The following APLF variants were observed in gnomAD, a reference collection of about 807,000 sequenced individuals.
The protein encoded by APLF is aprataxin and PNK-like factor.
APLF carries 61 observed loss-of-function variants against 55.6 expected under a neutral mutation model. That is an observed-to-expected ratio of 1.10 (90% CI 0.89 to 1.36). APLF has a LOEUF of 1.36. APLF is among the 40% of genes most tolerant of loss of function. APLF has a pLI of 0.00. For missense variants in APLF, 611 were observed against 602.5 expected (o/e 1.01, Z -0.15); for synonymous variants, 207 against 214.8 (o/e 0.96, Z 0.32).
chr2:68,474,139 A>G (rs1172972465), intron 1 of APLF, among the ~76,000 whole-genome samples: 1 of 152,232 alleles, frequency 6.6e-6, no homozygotes, highest in African/African-American at 2.4e-5. Context: ...AGCTATGGGA[A>G]GGGATACTGA....
chr2:68,469,585 A>G (rs1675554905), intron 1 of APLF, among the ~76,000 whole-genome samples: 1 of 152,192 alleles, frequency 6.6e-6, no homozygotes, highest in Non-Finnish European at 1.5e-5. Flanking sequence ...GTGGTTATGA[A>G]TGACATCCTA....
intron 8 of APLF, 95 bp from the exon 9 acceptor site, chr2:68,567,246 T>C (rs1179864099): frequency 9.3e-7 from 1 of 1,076,230 alleles, no homozygotes; most frequent in Non-Finnish European, 1.4e-6. Context: ...GTCCTAAGTT[T>C]ATTTGTAAGT....
At chr2:68,544,714 G>A (rs755136634) in intron 7 of APLF, among the ~76,000 whole-genome samples, 20 of 152,206 alleles carry the variant, frequency 1.3e-4, no homozygotes, top group Non-Finnish European at 2.4e-4. Context: ...TTAGAAGTTA[G>A]GATAGTTACC....
chr2:68,580,059 A>C lies in APLF; in HGVS notation c.*2037A>C. The C allele has an allele frequency of 1.1e-6, 1 of 926,504 alleles. No homozygotes were observed. Among genetic ancestry groups the C allele is most frequent in the East Asian group, 1.2e-4 (1 of 8,538 alleles). 57.4% of individuals were successfully genotyped at this position (926,504 alleles called of 1,614,324 possible). A position where few individuals can be genotyped will look rare whatever the true frequency, so the allele number is the denominator to read the frequency against. On this transcript the variant is annotated 3_prime_UTR_variant, in exon 10 of 10. Transcript: ENST00000303795. ...ATTCTTCGTAGTAATGTAATAGTTC[A>C]TGGTAGCTGCTTTTAACGATACAGT...
intron 1 of APLF, among the ~76,000 whole-genome samples, chr2:68,479,953 AT>A (rs1284680270): frequency 1.3e-5 from 2 of 152,098 alleles, no homozygotes; most frequent in Admixed American, 6.6e-5. Flanking sequence ...TAATACATAT[AT>A]TTTCTCTTCC....
chr2:68,571,741 T>G (rs1379382829), intron 9 of APLF, among the ~76,000 whole-genome samples: 1 of 152,216 alleles, frequency 6.6e-6, no homozygotes, highest in Non-Finnish European at 1.5e-5. Flanking sequence ...CCTCCAGCTT[T>G]GTTCTTTTGG....
intron 6 of APLF, among the ~76,000 whole-genome samples, chr2:68,527,268 G>C (rs1371433508): frequency 6.6e-6 from 1 of 151,718 alleles, no homozygotes; most frequent in Non-Finnish European, 1.5e-5. Context: ...AGGCGGGGCA[G>C]AGGCACTCCT....
chr2:68,542,214 G>T lies in APLF; in HGVS notation c.1161-2973G>T, dbSNP rs552325554. Among the ~76,000 whole-genome samples, 7 of 152,194 alleles carry T rather than the reference G, an allele frequency of 4.6e-5. No homozygotes were observed. The East Asian group carries it at 1.4e-3, about 29-fold the overall frequency. On this transcript the variant is annotated intron_variant, in intron 7 of 9. Transcript: ENST00000303795. ...AACTACAAGACTCTTAGAAGAAAATGGGGGAGAAGCTTCATGACATTGGAT... is the reference window on the plus strand; with the variant it reads ...AACTACAAGACTCTTAGAAGAAAATTGGGGAGAAGCTTCATGACATTGGAT...
At chr2:68,512,130 T>G (rs1291002149) in intron 3 of APLF, among the ~76,000 whole-genome samples, 1 of 151,662 alleles carries the variant, frequency 6.6e-6, no homozygotes, top group African/African-American at 2.4e-5. Flanking sequence ...ATATAGTCAT[T>G]TAAAATACTA....
rs1331555339 is a variant in APLF, at chr2:68,578,294, CT to C, written c.*275del. ...AGTAAAAATGGATATTTTTTATGTA[CT>C]TTGTATATTGGTAATAAAAAGTAAA... On this transcript the variant is annotated 3_prime_UTR_variant, in exon 10 of 10. Coordinates refer to ENST00000303795, the MANE Select transcript of APLF (RefSeq NM_173545.3). The C allele has an allele frequency of 2.6e-6, 3 of 1,150,280 alleles. No homozygotes were observed. Among genetic ancestry groups the C allele is most frequent in the East Asian group, 5.3e-5 (1 of 18,816 alleles). The allele number at this position is 1,150,280 out of a possible 1,614,324, so 71.3% of individuals were successfully genotyped here. A position where few individuals can be genotyped will look rare whatever the true frequency, so the allele number is the denominator to read the frequency against.
At chr2:68,568,182 G>T in intron 9 of APLF, 1 of 721,828 alleles carries the variant, frequency 1.4e-6, no homozygotes, top group Non-Finnish European at 1.7e-6. Context: ...CTTCTAAACT[G>T]TATTTTTCTT....
intron 9 of APLF, among the ~76,000 whole-genome samples, chr2:68,567,848 T>C (rs1428356559): frequency 6.6e-6 from 1 of 152,140 alleles, no homozygotes; most frequent in African/African-American, 2.4e-5. Context: ...AGGGACTTTA[T>C]GTGTCCTTAT....
chr2:68,505,357 A>G (rs544840842), intron 3 of APLF, among the ~76,000 whole-genome samples: 1 of 152,180 alleles, frequency 6.6e-6, no homozygotes, highest in Admixed American at 6.6e-5. Flanking sequence ...TTAAGCTATT[A>G]TATGTCTATT....
intron 6 of APLF, among the ~76,000 whole-genome samples, chr2:68,530,037 G>A (rs980244341): frequency 3.9e-5 from 6 of 152,196 alleles, no homozygotes; most frequent in Admixed American, 6.5e-5. Context: ...GAGAGGACGC[G>A]GTGCCCTGAC....
rs1391478267 is a variant in APLF, at chr2:68,528,207, T to C, written c.804+1965T>C. Reference sequence around the variant, plus strand: ...ATCCGCCCACCTGGGCCTCCCAAAGTGCTGGATTACAGGCGTGGGCCACCA... The same window carrying C: ...ATCCGCCCACCTGGGCCTCCCAAAGCGCTGGATTACAGGCGTGGGCCACCA... On this transcript the variant is annotated intron_variant, in intron 6 of 9. Transcript: ENST00000303795. 1.7e-5 allele frequency: 16 copies of C among 960,492 alleles called. No individual in the cohort carries two copies. In the Admixed American group the frequency reaches 3.3e-4, roughly 20 times the overall value. The allele number at this position is 960,492 out of a possible 1,614,324, so 59.5% of individuals were successfully genotyped here. A position where few individuals can be genotyped will look rare whatever the true frequency, so the allele number is the denominator to read the frequency against.
chr2:68,516,990 A>AT (rs1558538297), intron 5 of APLF, among the ~76,000 whole-genome samples: 113 of 123,408 alleles, frequency 9.2e-4, no homozygotes, highest in African/African-American at 3.4e-3. Flanking sequence ...AATTATATAT[A>AT]ATAATATATG....
intron 9 of APLF, among the ~76,000 whole-genome samples, chr2:68,573,098 AATAAT>A (rs1162083073): frequency 6.6e-6 from 1 of 152,196 alleles, no homozygotes; most frequent in Non-Finnish European, 1.5e-5. Context: ...CCATATAGTA[AATAAT>A]ATGTTGTTTT....
chr2:68,553,392 C>T (rs12613141), intron 8 of APLF, among the ~76,000 whole-genome samples: 109,772 of 151,872 alleles, frequency 0.72, 40,228 homozygotes, highest in African/African-American at 0.83. Context: ...AACCAATGTT[C>T]AGTTTAGTTA....
intron 5 of APLF, among the ~76,000 whole-genome samples, chr2:68,518,801 C>A (rs375351994): frequency 0.58 from 48,866 of 84,098 alleles, 11,008 homozygotes; most frequent in African/African-American, 0.71. Context: ...TATTAATAAT[C>A]TATCATATAA....
Sources: gnomAD v4.1 joint callset for allele counts (sites outside exome capture counted in the v4.1 genomes callset) on GRCh38, gnomAD v4.1.1 for gene constraint, MANE v1.5 for transcripts, NCBI Gene and HGNC (gene_info 2026-07-23, HGNC 2026-07-21) for gene names.